Variants in FGF1 observed in about 807,000 individuals in gnomAD.
FGF1 encodes the protein fibroblast growth factor 1.
Under a neutral mutation model 13.4 loss-of-function variants are expected in FGF1, and 9 were observed. That is an observed-to-expected ratio of 0.67 (90% CI 0.40 to 1.17). The LOEUF (loss-of-function observed/expected upper bound fraction) is 1.17, where lower values mean the gene tolerates loss of function less well. FGF1 is among the 50% of genes most tolerant of loss of function. The pLI, the probability that FGF1 is intolerant of heterozygous loss-of-function variation, is 0.01. For missense variants in FGF1, 156 were observed against 192.7 expected (o/e 0.81, Z 1.13); for synonymous variants, 93 against 79.0 (o/e 1.18, Z -0.94).
At chr5:142,687,447 G>T (rs893442851), upstream of FGF1, among the ~76,000 whole-genome samples, 4 of 152,140 alleles carry the variant, frequency 2.6e-5, no homozygotes, top group African/African-American at 9.7e-5. Context: ...GCTCCCAAAA[G>T]GGACTTGAAT....
intron 1 of FGF1, among the ~76,000 whole-genome samples, chr5:142,618,869 A>G (rs1387612036): frequency 6.6e-6 from 1 of 150,958 alleles, no homozygotes; most frequent in African/African-American, 2.4e-5. Context: ...GGAAGGAAAG[A>G]CTGTGATGTG....
chr5:142,654,946 C>G (rs769233059), intron 1 of FGF1, among the ~76,000 whole-genome samples: 1 of 152,232 alleles, frequency 6.6e-6, no homozygotes, highest in Non-Finnish European at 1.5e-5. Context: ...AGCCAGGTAA[C>G]CGCAGGCTCC....
chr5:142,667,458 C>T (rs533150130), intron 1 of FGF1, among the ~76,000 whole-genome samples: 10 of 140,832 alleles, frequency 7.1e-5, no homozygotes, highest in South Asian at 2.3e-4. Context: ...CGGTGGCGGG[C>T]GCCTGTAGTC....
chr5:142,635,468 C>T (rs1764098931), intron 1 of FGF1, among the ~76,000 whole-genome samples: 1 of 152,186 alleles, frequency 6.6e-6, no homozygotes, highest in Admixed American at 6.5e-5. Flanking sequence ...CCCCCCCGCC[C>T]CTTCCACAGA....
intron 2 of FGF1, among the ~76,000 whole-genome samples, chr5:142,692,689 A>G (rs1416021763): frequency 2.0e-5 from 3 of 150,958 alleles, no homozygotes; most frequent in African/African-American, 7.4e-5. Flanking sequence ...ACACACGCAC[A>G]CACACACACA....
At chr5:142,595,565 A>G in intron 3 of FGF1, 81 bp from the exon 4 acceptor site, 2 of 1,152,962 alleles carry the variant, frequency 1.7e-6, no homozygotes, top group South Asian at 1.5e-5. Flanking sequence ...GCTGTGTGAC[A>G]TTGGGCAAAA....
intron 1 of FGF1, among the ~76,000 whole-genome samples, chr5:142,660,337 C>G (rs559778051): frequency 2.0e-5 from 3 of 152,218 alleles, no homozygotes; most frequent in African/African-American, 7.2e-5. Context: ...CAGCATGGAG[C>G]CTTCAGCCTG....
chr5:142,679,004 C>T (rs748057997), intron 1 of FGF1, among the ~76,000 whole-genome samples: 58 of 152,190 alleles, frequency 3.8e-4, no homozygotes, highest in Admixed American at 3.1e-3. Flanking sequence ...GAAAGCCTGA[C>T]GTCTCTCTCC....
intron 3 of FGF1, among the ~76,000 whole-genome samples, chr5:142,595,806 C>T (rs540475463): frequency 6.6e-6 from 1 of 152,228 alleles, no homozygotes; most frequent in South Asian, 2.1e-4. Context: ...GAATCTCCCA[C>T]TGGGGACATT....
intron 1 of FGF1, among the ~76,000 whole-genome samples, chr5:142,632,203 A>T (rs1234230093): frequency 6.6e-6 from 1 of 152,216 alleles, no homozygotes; most frequent in Admixed American, 6.5e-5. Flanking sequence ...TTCTGCTTAG[A>T]TGCTGCCTCC....
chr5:142,636,976 G>A (rs1412131843), intron 1 of FGF1, among the ~76,000 whole-genome samples: 2 of 151,952 alleles, frequency 1.3e-5, no homozygotes, highest in African/African-American at 4.9e-5. Flanking sequence ...TCTGGCTGCT[G>A]AGTGACTAAT....
At chr5:142,649,564 G>A (rs569373747) in intron 1 of FGF1, among the ~76,000 whole-genome samples, 3 of 152,124 alleles carry the variant, frequency 2.0e-5, no homozygotes, top group East Asian at 1.9e-4. Context: ...CTGCCACCAC[G>A]CCCGGCTAAT....
At chr5:142,625,124 C>T (rs1393364763) in intron 1 of FGF1, among the ~76,000 whole-genome samples, 1 of 152,120 alleles carries the variant, frequency 6.6e-6, no homozygotes, top group Non-Finnish European at 1.5e-5. Flanking sequence ...CAGTTGCTGC[C>T]TTTAAGGAGT....
chr5:142,634,757 C>T (rs1763964375), intron 1 of FGF1, among the ~76,000 whole-genome samples: 1 of 152,216 alleles, frequency 6.6e-6, no homozygotes, highest in Admixed American at 6.5e-5. Flanking sequence ...GACTGCAGAG[C>T]TCCTGGCTCC....
At chr5:142,611,267 A>C (rs993336340) in intron 2 of FGF1, among the ~76,000 whole-genome samples, 6 of 152,156 alleles carry the variant, frequency 3.9e-5, no homozygotes, top group Non-Finnish European at 5.9e-5. Context: ...CAACAGAACC[A>C]CATTCAGGGA....
At chr5:142,601,093 C>A in intron 2 of FGF1, 2 of 566,700 alleles carry the variant, frequency 3.5e-6, no homozygotes, top group Non-Finnish European at 3.4e-6. Context: ...TGCACCTTCA[C>A]GGTGCCTCGC....
At chr5:142,620,332 G>T (rs1368455198) in intron 1 of FGF1, among the ~76,000 whole-genome samples, 1 of 152,016 alleles carries the variant, frequency 6.6e-6, no homozygotes, top group Non-Finnish European at 1.5e-5. Context: ...GGAGGAAAAT[G>T]GTGTGAACCC....
chr5:142,648,530 A>ATAGCAT (rs542412801), intron 1 of FGF1, among the ~76,000 whole-genome samples: 3,131 of 151,682 alleles, frequency 0.021, 108 homozygotes, highest in African/African-American at 0.072. Context: ...TAGGGGAGGG[A>ATAGCAT]TAGCATTAGG....
intron 1 of FGF1, among the ~76,000 whole-genome samples, chr5:142,678,497 G>A (rs953015800): frequency 6.6e-6 from 1 of 152,056 alleles, no homozygotes; most frequent in African/African-American, 2.4e-5. Context: ...CTGCTTCTTG[G>A]TGACATCATG....
Sources: gnomAD v4.1 joint callset for allele counts (sites outside exome capture counted in the v4.1 genomes callset) on GRCh38, gnomAD v4.1.1 for gene constraint, MANE v1.5 for transcripts, NCBI Gene and HGNC (gene_info 2026-07-23, HGNC 2026-07-21) for gene names.